Variants in EDIL3 observed in about 807,000 individuals in gnomAD.
The protein encoded by EDIL3 is EGF like and discoidin domains 3.
Under a neutral mutation model 67.4 loss-of-function variants are expected in EDIL3, and 37 were observed. That is an observed-to-expected ratio of 0.55 (90% confidence interval 0.42 to 0.72). The LOEUF is 0.72. Among genes scored for constraint, EDIL3 ranks in the 30% least tolerant of loss-of-function variants. The pLI is 0.00. For synonymous variants in EDIL3, 195 were observed against 196.3 expected (o/e 0.99, Z 0.05); for missense variants, 527 against 586.3 (o/e 0.90, Z 1.04).
intron 4 of EDIL3, among the ~76,000 whole-genome samples, chr5:84,160,744 T>TTCCTTTCCTTTCCTTTCCTTTCCTTTC (rs140316379): frequency 1.0e-5 from 1 of 100,030 alleles, no homozygotes; most frequent in Non-Finnish European, 2.1e-5. Context: ...TCTTTTCTTT[T>TTCCTTTCCTTTCCTTTCCTTTCCTTTC]CTTTCCTTTC....
chr5:84,203,825 T>C (rs347344), intron 3 of EDIL3, among the ~76,000 whole-genome samples: 88,442 of 151,976 alleles, frequency 0.58, 26,211 homozygotes, highest in East Asian at 0.72. Flanking sequence ...AGAAAACATT[T>C]GCACTTTTTC....
intron 3 of EDIL3, among the ~76,000 whole-genome samples, chr5:84,193,755 A>G (rs975142696): frequency 3.9e-5 from 6 of 151,914 alleles, no homozygotes; most frequent in Non-Finnish European, 7.4e-5. Context: ...TAACATGTAC[A>G]CATTGCATCA....
chr5:83,947,930 T>A (rs980977529), intron 10 of EDIL3, among the ~76,000 whole-genome samples: 2 of 151,878 alleles, frequency 1.3e-5, no homozygotes, highest in East Asian at 1.9e-4. Flanking sequence ...TTCAGACTTA[T>A]AATCTTGATT....
At chr5:83,970,643 GTA>G (rs70975530) in intron 9 of EDIL3, among the ~76,000 whole-genome samples, 4,536 of 115,402 alleles carry the variant, frequency 0.039, 66 homozygotes, top group Non-Finnish European at 0.053. Flanking sequence ...TAGGATCACA[GTA>G]TATATATATA....
At chr5:84,260,008 A>T (rs1745197636) in intron 1 of EDIL3, among the ~76,000 whole-genome samples, 1 of 152,220 alleles carries the variant, frequency 6.6e-6, no homozygotes, top group Non-Finnish European at 1.5e-5. Flanking sequence ...TCAGGTAGAA[A>T]GGACAGCTGA....
intron 5 of EDIL3, among the ~76,000 whole-genome samples, chr5:84,122,572 C>T (rs1049884786): frequency 6.6e-6 from 1 of 151,744 alleles, no homozygotes; most frequent in Non-Finnish European, 1.5e-5. Flanking sequence ...TAAGTAACTC[C>T]CCTAAAGTCT....
chr5:84,287,171 G>T (rs561371245), intron 1 of EDIL3, among the ~76,000 whole-genome samples: 2 of 152,072 alleles, frequency 1.3e-5, no homozygotes, highest in Non-Finnish European at 2.9e-5. Flanking sequence ...TTGAGCTAAA[G>T]CTGTATTTAT....
intron 9 of EDIL3, among the ~76,000 whole-genome samples, chr5:83,993,739 A>G (rs1745189278): frequency 6.6e-6 from 1 of 152,196 alleles, no homozygotes. Context: ...TCATCTTCCA[A>G]GGAATTTAAA....
intron 1 of EDIL3, among the ~76,000 whole-genome samples, chr5:84,307,708 G>C (rs1394322887): frequency 6.6e-6 from 1 of 152,122 alleles, no homozygotes; most frequent in African/African-American, 2.4e-5. Context: ...CAAACTTGAT[G>C]AAAGTCCACA....
At chr5:84,052,846 C>T (rs1005597166) in intron 9 of EDIL3, among the ~76,000 whole-genome samples, 1 of 152,100 alleles carries the variant, frequency 6.6e-6, no homozygotes, top group Admixed American at 6.5e-5. Flanking sequence ...TAGACTCCCA[C>T]ACAATAATAA....
intron 9 of EDIL3, among the ~76,000 whole-genome samples, chr5:83,982,658 TATA>T (rs1398249471): frequency 2.0e-5 from 3 of 152,300 alleles, no homozygotes; most frequent in Middle Eastern, 6.8e-3. Flanking sequence ...TAATTTCGTG[TATA>T]ATAATAATTT....
At chr5:84,216,509 A>G (rs1165376633) in intron 3 of EDIL3, among the ~76,000 whole-genome samples, 1 of 152,224 alleles carries the variant, frequency 6.6e-6, no homozygotes, top group Non-Finnish European at 1.5e-5. Flanking sequence ...TAAGATAAGC[A>G]CAAGTTTTTC....
chr5:84,037,646 A>T (rs923914192), intron 9 of EDIL3, among the ~76,000 whole-genome samples: 4 of 152,200 alleles, frequency 2.6e-5, no homozygotes, highest in Non-Finnish European at 5.9e-5. Context: ...TCTTATTAGC[A>T]TTTTAATTAA....
At chr5:84,298,985 T>G (rs996361017) in intron 1 of EDIL3, among the ~76,000 whole-genome samples, 1 of 152,184 alleles carries the variant, frequency 6.6e-6, no homozygotes, top group African/African-American at 2.4e-5. Flanking sequence ...GCTTACTGAC[T>G]GCTCTAACAT....
intron 9 of EDIL3, among the ~76,000 whole-genome samples, chr5:84,031,398 T>G (rs1257758660): frequency 6.6e-6 from 1 of 152,216 alleles, no homozygotes; most frequent in Non-Finnish European, 1.5e-5. Flanking sequence ...ATTTTTTACT[T>G]TAGAAAATTG....
intron 9 of EDIL3, among the ~76,000 whole-genome samples, chr5:83,983,357 T>C (rs951954870): frequency 1.3e-5 from 2 of 152,238 alleles, no homozygotes; most frequent in East Asian, 1.9e-4. Flanking sequence ...ATTAATTAGA[T>C]AGGTCGACGG....
intron 3 of EDIL3, among the ~76,000 whole-genome samples, chr5:84,217,760 A>ACACACACACACAC (rs1744260131): frequency 6.7e-6 from 1 of 150,362 alleles, no homozygotes; most frequent in Non-Finnish European, 1.5e-5. Context: ...ACACACACAC[A>ACACACACACACAC]CACATCCTTC....
chr5:84,200,386 CTT>C (rs112181703), intron 3 of EDIL3, among the ~76,000 whole-genome samples: 1,585 of 151,866 alleles, frequency 0.01, 33 homozygotes, highest in African/African-American at 0.036. Flanking sequence ...ATAAACCAAA[CTT>C]GACATAAAAA....
intron 3 of EDIL3, among the ~76,000 whole-genome samples, chr5:84,224,726 A>G (rs1744415159): frequency 6.6e-6 from 1 of 151,554 alleles, no homozygotes; most frequent in Non-Finnish European, 1.5e-5. Context: ...TTAAAGGCAT[A>G]TATATTAGAC....
Sources: gnomAD v4.1 joint callset for allele counts (sites outside exome capture counted in the v4.1 genomes callset) on GRCh38, gnomAD v4.1.1 for gene constraint, MANE v1.5 for transcripts, NCBI Gene and HGNC (gene_info 2026-07-23, HGNC 2026-07-21) for gene names.